DTHD1: variants seen among roughly 807,000 people sequenced by gnomAD.
DTHD1 encodes the protein death domain-containing protein 1.
DTHD1 carries 59 observed loss-of-function variants against 74.8 expected under a neutral mutation model. The ratio of observed to expected loss-of-function variants is 0.79; its 90% CI spans 0.64 to 0.98. The LOEUF (loss-of-function observed/expected upper bound fraction) is 0.98, where lower values mean the gene tolerates loss of function less well. Ranked by LOEUF, DTHD1 falls within the 50% of genes least tolerant of loss-of-function variation. The pLI, the probability that DTHD1 is intolerant of heterozygous loss-of-function variation, is 0.00. For missense variants in DTHD1, 1,051 were observed against 1,065.4 expected (o/e 0.99, Z 0.19); for synonymous variants, 365 against 371.1 (o/e 0.98, Z 0.19).
chr4:36,305,441 G>A (rs1346568156), intron 5 of DTHD1, among the ~76,000 whole-genome samples: 1 of 152,144 alleles, frequency 6.6e-6, no homozygotes, highest in Non-Finnish European at 1.5e-5. Context: ...CGTATCTCAT[G>A]AGACTTATTC....
intron 7 of DTHD1, among the ~76,000 whole-genome samples, chr4:36,313,790 G>A (rs1418625499): frequency 4.6e-5 from 7 of 152,068 alleles, no homozygotes; most frequent in Admixed American, 1.3e-4. Flanking sequence ...TTGTGCCCCC[G>A]GCAGAGAGTA....
chr4:36,334,092 A>T (rs1758858375), intron 8 of DTHD1: 2 of 152,146 alleles, frequency 1.3e-5, no homozygotes, highest in African/African-American at 4.8e-5. Context: ...TTTTGGATAA[A>T]GATGTTTCTT....
chr4:36,329,119 T>C (rs1758522040), intron 8 of DTHD1, among the ~76,000 whole-genome samples: 1 of 152,220 alleles, frequency 6.6e-6, no homozygotes, highest in African/African-American at 2.4e-5. Flanking sequence ...TTGTTTTCCT[T>C]ACGTCCACCA....
intron 8 of DTHD1, chr4:36,333,917 G>C (rs1758848215): frequency 1.3e-5 from 2 of 152,178 alleles, no homozygotes; most frequent in Admixed American, 6.5e-5. Flanking sequence ...TGCATGAGAT[G>C]ATGGGCCCCA....
At chr4:36,323,925 G>A (rs970658164) in intron 8 of DTHD1, among the ~76,000 whole-genome samples, 4 of 152,112 alleles carry the variant, frequency 2.6e-5, no homozygotes, top group Non-Finnish European at 2.9e-5. Context: ...GGCACTCCAT[G>A]CATCTCCCTT....
intron 3 of DTHD1, 70 bp downstream of exon 3, chr4:36,290,773 G>A (rs1756031239): frequency 8.1e-7 from 1 of 1,233,476 alleles, no homozygotes; most frequent in Non-Finnish European, 1.1e-6. Flanking sequence ...CAGACTAACA[G>A]ATTGTAGTGT....
intron 7 of DTHD1, among the ~76,000 whole-genome samples, chr4:36,312,805 A>G (rs995473139): frequency 1.3e-5 from 2 of 152,196 alleles, no homozygotes; most frequent in Non-Finnish European, 2.9e-5. Flanking sequence ...AGGCCATTGG[A>G]AAGACTGCCT....
chr4:36,295,991 T>C (rs1232014798), intron 5 of DTHD1, among the ~76,000 whole-genome samples: 1 of 152,120 alleles, frequency 6.6e-6, no homozygotes, highest in Non-Finnish European at 1.5e-5. Flanking sequence ...GCTGATTGGT[T>C]ACTAGAAAAT....
At chr4:36,333,943 C>T (rs1758849724) in intron 8 of DTHD1, 2 of 152,198 alleles carry the variant, frequency 1.3e-5, no homozygotes, top group South Asian at 4.2e-4. Flanking sequence ...AGGTCATCTG[C>T]GTGATTCCTG....
rs756089293 is a variant in DTHD1, at chr4:36,284,193, C to A, written c.489C>A (p.Pro163=). The A allele has an allele frequency of 7.8e-6, 12 of 1,537,018 alleles. No individual in the cohort carries two copies. In the East Asian group the frequency reaches 2.4e-4, roughly 31 times the overall value. Residue 163 remains proline (P), a synonymous_variant, in exon 2 of 10, where the codon CCC becomes CCA. Transcript: ENST00000639862. The part of the protein sequence containing the change: ...LNVIETATVS[P]TNGEESHYTN... ...TCATAGAAACAGCTACTGTTTCTCC[C>A]ACAAATGGAGAGGAAAGTCATTACA... is the stretch of plus-strand genomic sequence containing the variant.
rs1756013301 is a variant in DTHD1, at chr4:36,290,545, A to G, written c.1060A>G (p.Lys354Glu). 1 of 1,551,684 alleles carries G rather than the reference A, an allele frequency of 6.4e-7. No individual in the cohort carries two copies. The highest frequency in any genetic ancestry group is 1.7e-4 in the Middle Eastern group (1 of 5,990). ...SNVITIECSD[K>E]EKRVPFPIGI... ...CGTCATAACTATTGAATGCTCAGAT[A>G]AGGAAAAGAGAGTTCCATTTCCAAT... The change falls in exon 3 of 10, where the codon AAG (lysine) becomes GAG (glutamate). Residue 354 changes from lysine to glutamate, a missense_variant. Physicochemically the swap from Lys to Glu is moderately conservative, Grantham distance 56 (BLOSUM62 1). Coordinates refer to ENST00000639862, the MANE Select transcript of DTHD1 (RefSeq NM_001170700.3).
At chr4:36,339,194 AT>A in intron 9 of DTHD1, 25 bp downstream of exon 9, 1 of 1,496,452 alleles carries the variant, frequency 6.7e-7, no homozygotes, top group South Asian at 1.2e-5. Context: ...CTTTGTCATC[AT>A]TATAGTGCTT....
chr4:36,311,409 A>C (rs1341711880), intron 7 of DTHD1: 2 of 152,084 alleles, frequency 1.3e-5, no homozygotes, highest in African/African-American at 4.8e-5. Context: ...GTCTCTGTGA[A>C]TCTCAAAGAG....
chr4:36,299,627 C>G (rs933691479), intron 5 of DTHD1, among the ~76,000 whole-genome samples: 5 of 152,186 alleles, frequency 3.3e-5, no homozygotes, highest in African/African-American at 1.2e-4. Context: ...TGTATGCACT[C>G]TGTCCTTCCG....
intron 7 of DTHD1, 54 bp downstream of exon 7, chr4:36,308,547 TTCAGAAGAGTTTGC>T (rs1757196054): frequency 2.1e-6 from 3 of 1,404,796 alleles, no homozygotes; most frequent in Non-Finnish European, 2.8e-6. Context: ...CCACAAGCTC[TTCAGAAGAGTTTGC>T]TAAACTTGTG....
chr4:36,293,382 C>T (rs912112912), intron 3 of DTHD1, 144 bp from the exon 4 acceptor site: 11 of 537,482 alleles, frequency 2.0e-5, no homozygotes, highest in Middle Eastern at 5.3e-4. Flanking sequence ...AATGACCATC[C>T]ATTTTAGGTT....
intron 5 of DTHD1, among the ~76,000 whole-genome samples, chr4:36,299,166 T>C (rs1336013232): frequency 6.6e-6 from 1 of 152,090 alleles, no homozygotes; most frequent in Non-Finnish European, 1.5e-5. Context: ...TGATCACATA[T>C]ACTTATATTT....
At chr4:36,316,157 G>A (rs1280121338) in intron 7 of DTHD1, 85 bp from the exon 8 acceptor site, 51 of 1,289,426 alleles carry the variant, frequency 4.0e-5, no homozygotes, top group Middle Eastern at 3.8e-4. Flanking sequence ...GGATGGTCTC[G>A]ATCTCCTGAC....
chr4:36,305,847 C>CA (rs1180447062), intron 5 of DTHD1, among the ~76,000 whole-genome samples: 2 of 152,148 alleles, frequency 1.3e-5, no homozygotes, highest in African/African-American at 2.4e-5. Context: ...TTGCCAGTTG[C>CA]AAAAAGCTTG....
Sources: gnomAD v4.1 joint callset for allele counts (sites outside exome capture counted in the v4.1 genomes callset) on GRCh38, gnomAD v4.1.1 for gene constraint, MANE v1.5 for transcripts, NCBI Gene and HGNC (gene_info 2026-07-23, HGNC 2026-07-21) for gene names.